The following ATXN1 variants were observed in gnomAD, a reference collection of about 807,000 sequenced individuals.
The protein encoded by ATXN1 is ataxin-1.
A neutral mutation model predicts 56.4 loss-of-function variants in ATXN1; 8 were observed. That is an observed-to-expected ratio of 0.14 (90% CI 0.08 to 0.26). The LOEUF (loss-of-function observed/expected upper bound fraction) is 0.26. Among genes scored for constraint, ATXN1 ranks in the 10% least tolerant of loss-of-function variants. ATXN1 has a pLI of 1.00. For synonymous variants in ATXN1, 514 were observed against 494.6 expected, an observed-to-expected ratio of 1.04 and a Z score of -0.52; for missense variants, 987 against 1,106.5, an observed-to-expected ratio of 0.89 and a Z score of 1.53.
rs56942732 is a variant in ATXN1 at position 16,395,289 on chromosome 6, A to AAC, written c.-160-66820_-160-66819insGT. Among the ~76,000 whole-genome samples the AAC allele has an allele frequency of 7.3e-3, 1,091 of 150,276 alleles. 24 individuals are homozygous for AAC. Among genetic ancestry groups the AAC allele is most frequent in the African/African-American group, 0.026 (1,033 of 40,370 alleles). ...CCGTCTCAAAAAAAAAAAAAAAAAA[A>AAC]AACAAGAACAAAAACAAAAACTCAT... On this transcript the variant is annotated intron_variant, in intron 6 of 7. Transcript: ENST00000436367.
chr6:16,312,787 T>G (rs1466740381), intron 7 of ATXN1, among the ~76,000 whole-genome samples: 3 of 152,008 alleles, frequency 2.0e-5, no homozygotes, highest in Middle Eastern at 3.2e-3. Flanking sequence ...TGGTCCTCAG[T>G]CTCCTCGATA....
chr6:16,622,393 G>A (rs1168312741), intron 3 of ATXN1, among the ~76,000 whole-genome samples: 1 of 151,998 alleles, frequency 6.6e-6, no homozygotes, highest in Non-Finnish European at 1.5e-5. Context: ...GGTTGGTGGT[G>A]GTCTCATAAC....
chr6:16,732,934 G>A (rs929427863), intron 2 of ATXN1, among the ~76,000 whole-genome samples: 2 of 152,152 alleles, frequency 1.3e-5, no homozygotes, highest in Non-Finnish European at 2.9e-5. Context: ...CTACAGAATT[G>A]TATGGCCCTT....
intron 4 of ATXN1, among the ~76,000 whole-genome samples, chr6:16,534,824 T>C (rs1038206930): frequency 6.6e-6 from 1 of 152,234 alleles, no homozygotes; most frequent in Non-Finnish European, 1.5e-5. Context: ...GAATAAACCT[T>C]CCTAAGTCTG....
chr6:16,329,621 T>C (rs777134878), intron 6 of ATXN1, among the ~76,000 whole-genome samples: 3 of 152,224 alleles, frequency 2.0e-5, no homozygotes, highest in Non-Finnish European at 4.4e-5. Context: ...GCTTGGTTTG[T>C]CCATCTCTCT....
At chr6:16,692,479 A>C (rs756296594) in intron 2 of ATXN1, among the ~76,000 whole-genome samples, 1 of 152,222 alleles carries the variant, frequency 6.6e-6, no homozygotes, top group African/African-American at 2.4e-5. Flanking sequence ...AATATTAACA[A>C]ATGTAATCAA....
At position 16,328,164 on chromosome 6, in the gene ATXN1, G is replaced by A. The variant is rs778398422; in HGVS notation, c.147C>T (p.Asn49=). 2 of 1,591,460 alleles carry A rather than the reference G, an allele frequency of 1.3e-6. No individual in the cohort carries two copies. Among genetic ancestry groups the A allele is most frequent in the South Asian group, 1.1e-5 (1 of 88,258 alleles). The change falls in exon 7 of 8, where the codon AAC becomes AAT. Residue 49 remains asparagine (N), a synonymous_variant. Transcript: ENST00000436367. This position sits in a 1 kb window ranked among gnomAD's most constrained non-coding sequence, Gnocchi z 6.2. ...RVEGTAWLPG[N]PGGRGHGGGR... ...CGCCCCCGTGGCCCCGGCCACCAGG[G>A]TTGCCCGGGAGCCATGCTGTGCCCT...
intron 3 of ATXN1, among the ~76,000 whole-genome samples, chr6:16,651,242 A>G (rs993153301): frequency 6.6e-6 from 1 of 152,150 alleles, no homozygotes; most frequent in East Asian, 1.9e-4. Context: ...GTAAACTATC[A>G]TATTAAAGAG....
In ATXN1 at chr6:16,303,706, G is replaced by C. The variant is rs1261693747; in HGVS notation, c.*2623C>G. ...GTTTTCCCATCTTAGTGTTGGTTTA[G>C]TGGATCCAGTCAATTCAATACTCGA... On this transcript the variant is annotated 3_prime_UTR_variant, in exon 8 of 8. Transcript: ENST00000436367. This position sits in a 1 kb window ranked among gnomAD's most constrained non-coding sequence, Gnocchi z 4.3. 1 of 152,622 alleles carries C rather than the reference G, an allele frequency of 6.6e-6. No homozygotes were observed. The allele number at this position is 152,622 out of a possible 1,614,324, so 9.5% of individuals were successfully genotyped here.
chr6:16,614,373 C>A (rs1335386554), intron 3 of ATXN1, among the ~76,000 whole-genome samples: 1 of 151,482 alleles, frequency 6.6e-6, no homozygotes, highest in African/African-American at 2.4e-5. Flanking sequence ...TTGGTGGGCC[C>A]CAGTGTACTT....
At chr6:16,491,539 C>T (rs1760665433) in intron 5 of ATXN1, among the ~76,000 whole-genome samples, 1 of 151,894 alleles carries the variant, frequency 6.6e-6, no homozygotes, top group Non-Finnish European at 1.5e-5. Flanking sequence ...TCAAGTGATC[C>T]ACCTGCCTCA....
At chr6:16,375,979 C>T (rs1762133278) in intron 6 of ATXN1, among the ~76,000 whole-genome samples, 1 of 152,246 alleles carries the variant, frequency 6.6e-6, no homozygotes, top group African/African-American at 2.4e-5. Flanking sequence ...TAATGCTATC[C>T]ACAAGCCCTG....
intron 4 of ATXN1, among the ~76,000 whole-genome samples, chr6:16,569,591 G>C (rs1385112690): frequency 3.3e-5 from 5 of 151,194 alleles, no homozygotes; most frequent in East Asian, 2.0e-4. Context: ...CTGAGACAGA[G>C]ATATAATGCC....
intron 6 of ATXN1, among the ~76,000 whole-genome samples, chr6:16,407,108 G>A (rs968321972): frequency 1.8e-4 from 28 of 152,232 alleles, no homozygotes; most frequent in African/African-American, 6.3e-4. Context: ...AGCGGCAGGA[G>A]ACTAGTGATC....
intron 4 of ATXN1, among the ~76,000 whole-genome samples, chr6:16,529,190 T>A (rs1761452145): frequency 7.3e-6 from 1 of 136,926 alleles, no homozygotes; most frequent in African/African-American, 2.8e-5. Flanking sequence ...AAAAAAAAAA[T>A]CTTTGTCAGG....
At chr6:16,541,132 C>T (rs1186219489) in intron 4 of ATXN1, among the ~76,000 whole-genome samples, 1 of 152,186 alleles carries the variant, frequency 6.6e-6, no homozygotes, top group Non-Finnish European at 1.5e-5. Context: ...TGCCCCGCTG[C>T]CCCGGTCAAT....
At chr6:16,715,863 C>T (rs1045336906) in intron 2 of ATXN1, among the ~76,000 whole-genome samples, 3 of 152,202 alleles carry the variant, frequency 2.0e-5, no homozygotes, top group African/African-American at 7.2e-5. Context: ...CCTGTAACCC[C>T]ATACCACGTC....
chr6:16,715,877 T>C (rs1759629135), intron 2 of ATXN1, among the ~76,000 whole-genome samples: 1 of 152,210 alleles, frequency 6.6e-6, no homozygotes, highest in African/African-American at 2.4e-5. Context: ...CCACGTCCCC[T>C]AAGCCCTACC....
rs1209941639 is a variant in ATXN1, at chr6:16,485,995, A to C, written c.-184T>G. 1 of 152,206 alleles carries C rather than the reference A, an allele frequency of 6.6e-6. No homozygotes were observed. The highest frequency in any genetic ancestry group is 1.5e-5 in the Non-Finnish European group (1 of 68,044). 9.4% of individuals were successfully genotyped at this position (152,206 alleles called of 1,614,324 possible). ...ACAACATTCACTGCGTACTGTTCAC[A>C]GGTAGCCTCAGCCTATACTTCACCA... On this transcript the variant is annotated 5_prime_UTR_variant, in exon 6 of 8. Coordinates refer to ENST00000436367, the MANE Select transcript of ATXN1 (RefSeq NM_001128164.2).
Sources: gnomAD v4.1 joint callset for allele counts (sites outside exome capture counted in the v4.1 genomes callset) on GRCh38, gnomAD v4.1.1 for gene constraint, Gnocchi (gnomAD v3.1) non-coding constraint, MANE v1.5 for transcripts, NCBI Gene and HGNC (gene_info 2026-07-23, HGNC 2026-07-21) for gene names.